GIPC2: variants seen among roughly 807,000 people sequenced by gnomAD.
GIPC2 encodes GIPC PDZ domain containing family member 2, also known as PDZ domain-containing protein GIPC2.
In GIPC2, 30 loss-of-function variants were observed where a neutral mutation model predicts 30.6. The ratio of observed to expected loss-of-function variants is 0.98; its 90% CI spans 0.73 to 1.33. The LOEUF is 1.33. GIPC2 is among the 40% of genes most tolerant of loss of function. GIPC2 has a pLI of 0.00. For missense variants in GIPC2, 414 were observed against 390.3 expected, an observed-to-expected ratio of 1.06 and a Z score of -0.51; for synonymous variants, 167 against 150.0, an observed-to-expected ratio of 1.11 and a Z score of -0.83.
intron 1 of GIPC2, among the ~76,000 whole-genome samples, chr1:78,047,523 A>ATT (rs397947260): frequency 1.4e-4 from 20 of 147,212 alleles, no homozygotes; most frequent in African/African-American, 4.7e-4. Context: ...TTTATATAGG[A>ATT]TTTTTTTTTT....
intron 4 of GIPC2, among the ~76,000 whole-genome samples, chr1:78,124,087 A>C (rs1207555215): frequency 6.6e-6 from 1 of 152,254 alleles, no homozygotes; most frequent in Non-Finnish European, 1.5e-5. Context: ...TATAATCTAA[A>C]TAATGAATTC....
chr1:78,050,383 G>C (rs1426124043), intron 1 of GIPC2, among the ~76,000 whole-genome samples: 5 of 152,128 alleles, frequency 3.3e-5, no homozygotes, highest in African/African-American at 1.2e-4. Flanking sequence ...GTGGACTTCA[G>C]CTAGTGTTTT....
intron 1 of GIPC2, among the ~76,000 whole-genome samples, chr1:78,063,007 T>C (rs1216722392): frequency 2.0e-5 from 3 of 152,202 alleles, no homozygotes; most frequent in Non-Finnish European, 4.4e-5. Context: ...CTGTATTCTT[T>C]CCTTTACGTA....
intron 2 of GIPC2, among the ~76,000 whole-genome samples, chr1:78,091,078 TA>T (rs1163187124): frequency 6.6e-6 from 1 of 152,248 alleles, no homozygotes; most frequent in Non-Finnish European, 1.5e-5. Context: ...ATACCTTTTT[TA>T]AAAACATTTT....
intron 5 of GIPC2, among the ~76,000 whole-genome samples, chr1:78,128,164 T>A (rs765792130): frequency 6.6e-6 from 1 of 152,194 alleles, no homozygotes; most frequent in Non-Finnish European, 1.5e-5. Flanking sequence ...GTCTGAGAAC[T>A]TCTCTTTCCA....
At chr1:78,102,799 G>T (rs1662272819) in intron 3 of GIPC2, among the ~76,000 whole-genome samples, 1 of 152,178 alleles carries the variant, frequency 6.6e-6, no homozygotes, top group Non-Finnish European at 1.5e-5. Context: ...TATTATAAAG[G>T]TGTATCCTTT....
At chr1:78,064,665 AAAAAT>A (rs35679625) in intron 1 of GIPC2, among the ~76,000 whole-genome samples, 9,830 of 151,772 alleles carry the variant, frequency 0.065, 415 homozygotes, top group East Asian at 0.21. Context: ...CCATCTTTTT[AAAAAT>A]GTTTTTTAGA....
At chr1:78,133,483 G>A (rs1478158192) in intron 5 of GIPC2, among the ~76,000 whole-genome samples, 6 of 152,120 alleles carry the variant, frequency 3.9e-5, no homozygotes, top group Non-Finnish European at 7.4e-5. Context: ...TTAGAGAATG[G>A]GGATATCTCT....
chr1:78,060,415 GA>G (rs1661370941), intron 1 of GIPC2, among the ~76,000 whole-genome samples: 1 of 152,124 alleles, frequency 6.6e-6, no homozygotes, highest in Non-Finnish European at 1.5e-5. Context: ...AAAGTACTGG[GA>G]TTATAGGTGT....
At chr1:78,112,722 G>T (rs1175457863) in intron 3 of GIPC2, among the ~76,000 whole-genome samples, 1 of 152,190 alleles carries the variant, frequency 6.6e-6, no homozygotes, top group Non-Finnish European at 1.5e-5. Flanking sequence ...CGAGGCACAG[G>T]CTGTTGGGAG....
chr1:78,092,361 T>C (rs1662058565), intron 2 of GIPC2, among the ~76,000 whole-genome samples: 1 of 152,138 alleles, frequency 6.6e-6, no homozygotes, highest in Non-Finnish European at 1.5e-5. Flanking sequence ...ATAATGTAAA[T>C]CCTATCTTCC....
At chr1:78,059,634 A>G (rs1019216372) in intron 1 of GIPC2, among the ~76,000 whole-genome samples, 3 of 152,102 alleles carry the variant, frequency 2.0e-5, no homozygotes, top group Non-Finnish European at 4.4e-5. Flanking sequence ...TTCCAGCTGT[A>G]GTCCCAAGTT....
chr1:78,133,674 C>G (rs527343172), intron 5 of GIPC2, among the ~76,000 whole-genome samples: 1 of 151,170 alleles, frequency 6.6e-6, no homozygotes, highest in Non-Finnish European at 1.5e-5. Flanking sequence ...GTAGTGAGAA[C>G]CAAGGGTTCT....
chr1:78,051,805 A>AT lies in GIPC2; in HGVS notation c.240+5476dup, dbSNP rs144454625. On this transcript the variant is annotated intron_variant, in intron 1 of 5. Coordinates refer to ENST00000370759, the MANE Select transcript of GIPC2 (RefSeq NM_017655.6). Reference sequence around the variant, plus strand: ...CCACCGCACCTGGCGTAGAATTGTGATTTTTAAGGTGAGATTTTATCCTCA... The same window carrying AT: ...CCACCGCACCTGGCGTAGAATTGTGATTTTTTAAGGTGAGATTTTATCCTCA... 2.7e-4 allele frequency among the ~76,000 whole-genome samples: 41 copies of AT among 152,266 alleles called. 1 individual carries two copies. The highest frequency in any genetic ancestry group is 1.5e-3 in the South Asian group (7 of 4,824).
At chr1:78,134,328 GTGTATGTGTGTA>G (rs1314673294) in intron 5 of GIPC2, among the ~76,000 whole-genome samples, 2 of 148,360 alleles carry the variant, frequency 1.3e-5, no homozygotes, top group Non-Finnish European at 3.0e-5. Context: ...GTATGTGTCT[GTGTATGTGTGTA>G]TGTATGTGTG....
At chr1:78,106,547 A>G (rs1277396148) in intron 3 of GIPC2, among the ~76,000 whole-genome samples, 1 of 152,184 alleles carries the variant, frequency 6.6e-6, no homozygotes, top group African/African-American at 2.4e-5. Flanking sequence ...GCAACAGAGC[A>G]AGACTCCATC....
chr1:78,062,480 G>A (rs1011262525), intron 1 of GIPC2, among the ~76,000 whole-genome samples: 6 of 151,698 alleles, frequency 4.0e-5, no homozygotes, highest in Admixed American at 6.6e-5. Context: ...TTGAGGAGAA[G>A]GGAATTACTG....
intron 3 of GIPC2, among the ~76,000 whole-genome samples, chr1:78,111,135 T>C (rs1662458128): frequency 6.6e-6 from 1 of 152,130 alleles, no homozygotes; most frequent in African/African-American, 2.4e-5. Flanking sequence ...GATAGCTGAG[T>C]TCACCCTGCA....
At chr1:78,131,037 A>G (rs983200170) in intron 5 of GIPC2, among the ~76,000 whole-genome samples, 4 of 152,110 alleles carry the variant, frequency 2.6e-5, no homozygotes, top group Admixed American at 1.3e-4. Flanking sequence ...GGGTCTCACT[A>G]TGTTGCCCAG....
Sources: gnomAD v4.1 joint callset for allele counts (sites outside exome capture counted in the v4.1 genomes callset) on GRCh38, gnomAD v4.1.1 for gene constraint, MANE v1.5 for transcripts, NCBI Gene and HGNC (gene_info 2026-07-23, HGNC 2026-07-21) for gene names.